WDCP: variants seen among roughly 807,000 people sequenced by gnomAD.
WDCP encodes WD repeat and coiled-coil-containing protein.
In WDCP, 19 loss-of-function variants were observed where a neutral mutation model predicts 41.6. The ratio of observed to expected loss-of-function variants is 0.46; its 90% CI spans 0.32 to 0.67. WDCP has a LOEUF of 0.67. Ranked by LOEUF, WDCP falls within the 30% of genes least tolerant of loss-of-function variation. The probability of loss-of-function intolerance (pLI) is 0.04; values close to 1 mark genes in which losing one functional copy is unlikely to be tolerated. For synonymous variants in WDCP, 302 were observed against 320.8 expected (o/e 0.94, Z 0.63); for missense variants, 802 against 850.7 (o/e 0.94, Z 0.71).
intron 1 of WDCP, among the ~76,000 whole-genome samples, chr2:24,044,848 C>T (rs1312419897): frequency 6.8e-6 from 1 of 147,520 alleles, no homozygotes. Context: ...AAAAGCACAG[C>T]GGTGATCATT....
At chr2:24,044,726 A>G (rs1157150707) in intron 1 of WDCP, among the ~76,000 whole-genome samples, 1 of 149,716 alleles carries the variant, frequency 6.7e-6, no homozygotes, top group Non-Finnish European at 1.5e-5. Flanking sequence ...CTCCCTTTTT[A>G]TTAGGGTAAA....
Position 24,030,986 on chromosome 2 carries a change from C to T in WDCP, c.2113G>A (p.Ala705Thr). ...SSLKVFTGLAAPSLDTTGCCN... is the reference protein window; with the variant it reads ...SSLKVFTGLATPSLDTTGCCN... ...CAGCCAGTGGTATCTAAACTGGGGG[C>T]AGCAAGGCCTGTAAAGACTTTAAGA... The change falls in exon 4 of 4, where the codon GCC becomes ACC. Residue 705 changes from alanine (A) to threonine (T), a missense_variant. By Grantham distance (58) the Ala-to-Thr change is moderately conservative (BLOSUM62 0). Around this residue, in one of 5 missense-constraint regions of WDCP, gnomAD observed 321 missense variants for 305.1 expected, o/e 1.05. Coordinates refer to ENST00000295148, the MANE Select transcript of WDCP (RefSeq NM_025203.3). 6.2e-7 allele frequency: 1 copy of T among 1,614,200 alleles called. No individual in the cohort carries two copies. The highest frequency in any genetic ancestry group is 8.5e-7 in the Non-Finnish European group (1 of 1,180,046).
At chr2:24,044,268 T>A (rs1047185896) in intron 1 of WDCP, among the ~76,000 whole-genome samples, 14 of 151,786 alleles carry the variant, frequency 9.2e-5, no homozygotes, top group Admixed American at 3.3e-4. Context: ...TTACTGAGGT[T>A]TTTTTTTGGG....
intron 1 of WDCP, among the ~76,000 whole-genome samples, chr2:24,042,759 G>A (rs1036673455): frequency 6.6e-5 from 10 of 151,380 alleles, no homozygotes; most frequent in South Asian, 6.2e-4. Flanking sequence ...AGAGCCAGGC[G>A]CGGCGGCTCA....
At chr2:24,035,940 G>A (rs746400794) in intron 2 of WDCP, among the ~76,000 whole-genome samples, 5 of 151,078 alleles carry the variant, frequency 3.3e-5, no homozygotes, top group Admixed American at 6.6e-5. Flanking sequence ...GTGGTGGCAC[G>A]TGCCTGTAAT....
Position 24,032,822 on chromosome 2 carries a change from G to C in WDCP, c.1936+7C>G, listed in dbSNP as rs773437697. 1.3e-6 allele frequency: 2 copies of C among 1,539,896 alleles called. No homozygotes were observed. The highest frequency in any genetic ancestry group is 1.8e-6 in the Non-Finnish European group (2 of 1,113,066). On this transcript the variant is annotated splice_region_variant and intron_variant, in intron 3 of 3. Transcript: ENST00000295148. ...TTAGCTAGGGTCAATTTCTGAGCAC[G>C]ACCTACCATGTAGCATTTCAATGAG...
intron 2 of WDCP, among the ~76,000 whole-genome samples, chr2:24,035,671 T>C (rs566243019): frequency 2.1e-4 from 32 of 152,030 alleles, no homozygotes; most frequent in Admixed American, 4.6e-4. Context: ...TCCCAGCGCT[T>C]TGGGAGGCTG....
At chr2:24,035,817 T>A (rs1663231315) in intron 2 of WDCP, among the ~76,000 whole-genome samples, 1 of 151,760 alleles carries the variant, frequency 6.6e-6, no homozygotes, top group South Asian at 2.1e-4. Context: ...ACACGTGTAA[T>A]CTCAGCACTC....
At chr2:24,039,542 A>G (rs1020205749) in intron 1 of WDCP, 30 bp from the exon 2 acceptor site, 3 of 1,579,988 alleles carry the variant, frequency 1.9e-6, no homozygotes, top group Non-Finnish European at 2.6e-6. Context: ...AAGTTACACC[A>G]TGAGAAATCT....
intron 1 of WDCP, among the ~76,000 whole-genome samples, chr2:24,041,457 G>GA (rs1191823389): frequency 6.6e-6 from 1 of 151,960 alleles, no homozygotes; most frequent in East Asian, 1.9e-4. Flanking sequence ...TTTAGCCTCT[G>GA]AAAATGTTAA....
At chr2:24,034,794 C>G (rs375856030) in intron 2 of WDCP, among the ~76,000 whole-genome samples, 1 of 151,860 alleles carries the variant, frequency 6.6e-6, no homozygotes, top group Non-Finnish European at 1.5e-5. Context: ...AGGCTGGTCT[C>G]GAACTCCTGG....
chr2:24,046,728 GA>G (rs1347861944), intron 1 of WDCP, among the ~76,000 whole-genome samples: 1 of 151,900 alleles, frequency 6.6e-6, no homozygotes, highest in African/African-American at 2.4e-5. Flanking sequence ...TCATACACAA[GA>G]AAAAAATTAA....
In WDCP at chr2:24,037,736, T is replaced by G; in HGVS notation, c.1759A>C (p.Lys587Gln). The G allele has an allele frequency of 1.2e-6, 2 of 1,614,198 alleles. No homozygotes were observed. The highest frequency in any genetic ancestry group is 1.7e-6 in the Non-Finnish European group (2 of 1,180,020). ...ELTNRLHNGKKSSSVYPLSQD... is the reference protein window; with the variant it reads ...ELTNRLHNGKQSSSVYPLSQD... ...GAGAGTGGATACACTGAAGAGGATT[T>G]CTTCCCATTATGCAGACGGTTTGTA... is the stretch of plus-strand genomic sequence containing the variant. Residue 587 changes from lysine to glutamine, a missense_variant, in exon 2 of 4, where the codon AAA (lysine) becomes CAA (glutamine). Transcript: ENST00000295148.
At chr2:24,044,817 TAAAAAAAAAAAAA>T (rs747340836) in intron 1 of WDCP, among the ~76,000 whole-genome samples, 1 of 103,928 alleles carries the variant, frequency 9.6e-6, no homozygotes, top group Non-Finnish European at 2.0e-5. Flanking sequence ...GAATTATCTT[TAAAAAAAAAAAAA>T]AAAAAAAAAA....
chr2:24,035,326 A>AC (rs534156967), intron 2 of WDCP, among the ~76,000 whole-genome samples: 1,540 of 130,812 alleles, frequency 0.012, 32 homozygotes, highest in African/African-American at 0.041. Context: ...CCTTTTGTGT[A>AC]ACAAAAGGGG....
At chr2:24,036,848 T>C (rs1045581452) in intron 2 of WDCP, among the ~76,000 whole-genome samples, 23 of 152,166 alleles carry the variant, frequency 1.5e-4, no homozygotes, top group African/African-American at 5.6e-4. Flanking sequence ...ATGGAGAAAG[T>C]CACGAAAGGA....
intron 1 of WDCP, among the ~76,000 whole-genome samples, chr2:24,044,652 C>T (rs1663555306): frequency 6.6e-6 from 1 of 152,004 alleles, no homozygotes; most frequent in Non-Finnish European, 1.5e-5. Context: ...CTCAAAAACG[C>T]AGTGATAATT....
intron 3 of WDCP, among the ~76,000 whole-genome samples, chr2:24,032,555 C>T (rs530742857): frequency 6.6e-6 from 1 of 152,128 alleles, no homozygotes; most frequent in South Asian, 2.1e-4. Context: ...GTAGTGAACA[C>T]CTATAGTTCT....
Position 24,038,287 on chromosome 2 carries a change from A to T in WDCP, c.1208T>A (p.Val403Glu). ...TGTATCAGTGAGTTTTTGTTTTCCT[A>T]CCAAAATTAGTAATAGTTGGTCTGT... is the stretch of plus-strand genomic sequence containing the variant. ...FLTDQLLLIL[V>E]GKQKLTDTTF... The change falls in exon 2 of 4, where the codon GTA becomes GAA. Residue 403 changes from valine to glutamate, a missense_variant. Coordinates refer to ENST00000295148, the MANE Select transcript of WDCP (RefSeq NM_025203.3). 1 of 1,614,164 alleles carries T rather than the reference A, an allele frequency of 6.2e-7. No individual in the cohort carries two copies. The highest frequency in any genetic ancestry group is 8.5e-7 in the Non-Finnish European group (1 of 1,180,020).
Sources: allele counts gnomAD v4.1 joint callset (sites outside exome capture counted in the v4.1 genomes callset), GRCh38; gene constraint gnomAD v4.1.1; regional missense constraint gnomAD v4.1.1; transcripts MANE v1.5; gene names NCBI Gene and HGNC (gene_info 2026-07-23, HGNC 2026-07-21).